STOX2: variants seen among roughly 807,000 people sequenced by gnomAD.
STOX2 encodes storkhead box 2.
A neutral mutation model predicts 60.9 loss-of-function variants in STOX2; 28 were observed. The ratio of observed to expected loss-of-function variants is 0.46; its 90% CI spans 0.34 to 0.63. The LOEUF (loss-of-function observed/expected upper bound fraction) is 0.63. STOX2 is among the 30% of genes least tolerant of loss of function. The pLI is 0.01. For synonymous variants in STOX2, 472 were observed against 463.9 expected (o/e 1.02, Z -0.22); for missense variants, 1,024 against 1,187.7 (o/e 0.86, Z 2.03).
chr4:183,963,334 C>T (rs1419517786), intron 1 of STOX2, among the ~76,000 whole-genome samples: 1 of 152,004 alleles, frequency 6.6e-6, no homozygotes, highest in Non-Finnish European at 1.5e-5. Flanking sequence ...TAATAAAGTG[C>T]CATTAAAATA....
intron 1 of STOX2, among the ~76,000 whole-genome samples, chr4:183,917,794 C>T (rs1463538359): frequency 2.0e-5 from 3 of 152,146 alleles, no homozygotes; most frequent in Admixed American, 6.5e-5. Context: ...GGTAAGGCAG[C>T]GCTGTGATTT....
chr4:183,870,411 A>G (rs1432700233), intron 1 of STOX2, among the ~76,000 whole-genome samples: 1 of 152,212 alleles, frequency 6.6e-6, no homozygotes, highest in African/African-American at 2.4e-5. Flanking sequence ...AGCTATTTTA[A>G]CTACCAGTAG....
At position 183,836,733 on chromosome 4, in the gene STOX2, A is replaced by G. The variant is rs1739719292; in HGVS notation, c.364+38678A>G. On this transcript the variant is annotated intron_variant, in intron 1 of 2. Transcript: ENST00000513034. The surrounding 1 kb of genome is among the most constrained non-coding windows in gnomAD (Gnocchi z 4.1). Reference sequence around the variant, plus strand: ...GTCAGTGACTTCTCGTGACAGCCTCATGAAGGTGAAAAAGCAGGGATACTA... The same window carrying G: ...GTCAGTGACTTCTCGTGACAGCCTCGTGAAGGTGAAAAAGCAGGGATACTA... Among the ~76,000 whole-genome samples, 5 of 152,282 alleles carry G rather than the reference A, an allele frequency of 3.3e-5. No individual in the cohort carries two copies. In the South Asian group the frequency reaches 1.0e-3, roughly 32 times the overall value.
At chr4:183,919,600 C>G (rs918788458) in intron 1 of STOX2, among the ~76,000 whole-genome samples, 1 of 152,018 alleles carries the variant, frequency 6.6e-6, no homozygotes, top group Non-Finnish European at 1.5e-5. Flanking sequence ...GGAAGGAAAC[C>G]ATTGTTGTTA....
intron 1 of STOX2, among the ~76,000 whole-genome samples, chr4:183,918,951 G>A (rs540455720): frequency 1.6e-4 from 24 of 152,248 alleles, no homozygotes; most frequent in Middle Eastern, 3.4e-3. Flanking sequence ...ATCTACCCCC[G>A]AGTTTCCATG....
intron 1 of STOX2, among the ~76,000 whole-genome samples, chr4:183,808,839 G>A (rs1367306070): frequency 2.0e-5 from 3 of 152,128 alleles, no homozygotes; most frequent in Non-Finnish European, 4.4e-5. Context: ...ATAGGAAGAA[G>A]AATTGTCTTG....
chr4:183,846,429 C>T (rs1232709751), intron 1 of STOX2, among the ~76,000 whole-genome samples: 1 of 152,072 alleles, frequency 6.6e-6, no homozygotes, highest in Non-Finnish European at 1.5e-5. Context: ...TTCCACAGGC[C>T]TCTTTGGTTC....
rs6812782 is a variant in STOX2, at chr4:183,856,655, C to T, written c.364+58600C>T. Among the ~76,000 whole-genome samples the T allele has an allele frequency of 0.5, 75,218 of 151,864 alleles. 18,966 individuals are homozygous for T. Among genetic ancestry groups the T allele is most frequent in the Non-Finnish European group, 0.55 (37,699 of 67,942 alleles). On this transcript the variant is annotated intron_variant, in intron 1 of 2. Coordinates refer to the STOX2 transcript ENST00000513034. The surrounding 1 kb of genome is among the most constrained non-coding windows in gnomAD (Gnocchi z 4.0). ...AACATCGCTTTGCAGTTAGCTGTCTCGGACTCGGACCCCGGGGGATGATAG... is the reference window on the plus strand; with the variant it reads ...AACATCGCTTTGCAGTTAGCTGTCTTGGACTCGGACCCCGGGGGATGATAG...
At chr4:184,008,354 AC>A (rs1256690352) in intron 2 of STOX2, among the ~76,000 whole-genome samples, 3 of 152,246 alleles carry the variant, frequency 2.0e-5, no homozygotes, top group Non-Finnish European at 4.4e-5. Context: ...TATCAATCAT[AC>A]AAAGAAGCTT....
At chr4:183,831,451 A>G (rs866892813) in intron 1 of STOX2, among the ~76,000 whole-genome samples, 2 of 152,246 alleles carry the variant, frequency 1.3e-5, no homozygotes, top group South Asian at 2.1e-4. Context: ...GACCATGAAC[A>G]TTAGTTCATG....
intron 1 of STOX2, among the ~76,000 whole-genome samples, chr4:183,992,687 C>A (rs1226479614): frequency 6.6e-6 from 1 of 152,196 alleles, no homozygotes; most frequent in Non-Finnish European, 1.5e-5. Context: ...ATAACTTTAT[C>A]CTTGTTGGTA....
At chr4:183,914,480 TTTG>T (rs1254478869) in intron 1 of STOX2, among the ~76,000 whole-genome samples, 2 of 152,014 alleles carry the variant, frequency 1.3e-5, no homozygotes, top group Non-Finnish European at 2.9e-5. Flanking sequence ...TGCAACTGAT[TTTG>T]TTGTTGTTGG....
At chr4:183,880,140 A>G (rs1040054975) in intron 1 of STOX2, among the ~76,000 whole-genome samples, 1 of 151,944 alleles carries the variant, frequency 6.6e-6, no homozygotes, top group Non-Finnish European at 1.5e-5. Flanking sequence ...CACCATGCCC[A>G]GCTAATTTTT....
chr4:184,011,638 G>T lies in STOX2; in HGVS notation c.2585+215G>T, dbSNP rs1210885895. The T allele has an allele frequency of 6.6e-7, 1 of 1,507,258 alleles. No individual in the cohort carries two copies. Among genetic ancestry groups the T allele is most frequent in the Admixed American group, 2.1e-5 (1 of 48,278 alleles). The allele number at this position is 1,507,258 out of a possible 1,614,324, so 93.4% of individuals were successfully genotyped here. A position where few individuals can be genotyped will look rare whatever the true frequency, so the allele number is the denominator to read the frequency against. On this transcript the variant is annotated intron_variant, in intron 3 of 3. Transcript: ENST00000308497. This position sits in a 1 kb window ranked among gnomAD's most constrained non-coding sequence, Gnocchi z 4.4. ...GTAGAGATCACCAATCTGGACTGGT[G>T]GGTTGGCTCCTCCCCTCAAACTTGC...
In STOX2 at chr4:184,001,580, A is replaced by G; in HGVS notation, c.319+103A>G. ...CCATGTTTAAAGAGAATAGGAAAACATTCTTCCCCAAAACTGACCCGAAGC... is the reference window on the plus strand; with the variant it reads ...CCATGTTTAAAGAGAATAGGAAAACGTTCTTCCCCAAAACTGACCCGAAGC... On this transcript the variant is annotated intron_variant, in intron 2 of 3. Transcript: ENST00000308497. This position sits in a 1 kb window ranked among gnomAD's most constrained non-coding sequence, Gnocchi z 4.2. 1 of 1,167,134 alleles carries G rather than the reference A, an allele frequency of 8.6e-7. No individual in the cohort carries two copies. The highest frequency in any genetic ancestry group is 1.2e-6 in the Non-Finnish European group (1 of 859,040). 72.3% of individuals were successfully genotyped at this position (1,167,134 alleles called of 1,614,324 possible).
At chr4:183,854,802 C>T (rs1047370612) in intron 1 of STOX2, among the ~76,000 whole-genome samples, 1 of 152,108 alleles carries the variant, frequency 6.6e-6, no homozygotes, top group Non-Finnish European at 1.5e-5. Flanking sequence ...AGCCAATTAT[C>T]GCTTAGTGCT....
At chr4:183,886,369 C>T (rs1473754563) in intron 1 of STOX2, among the ~76,000 whole-genome samples, 1 of 152,164 alleles carries the variant, frequency 6.6e-6, no homozygotes, top group East Asian at 1.9e-4. Context: ...TGAGGAAAGG[C>T]CTCCTTGGAG....
At chr4:183,978,472 G>A (rs1362132272) in intron 1 of STOX2, among the ~76,000 whole-genome samples, 1 of 152,032 alleles carries the variant, frequency 6.6e-6, no homozygotes, top group Non-Finnish European at 1.5e-5. Context: ...TATGTATTTT[G>A]GTACTAGTAC....
chr4:183,873,239 G>A (rs1740735002), intron 1 of STOX2, among the ~76,000 whole-genome samples: 1 of 152,092 alleles, frequency 6.6e-6, no homozygotes, highest in South Asian at 2.1e-4. Context: ...CCTGAGGTCG[G>A]GAGTTCGAGA....
Sources: gnomAD v4.1 joint callset for allele counts (sites outside exome capture counted in the v4.1 genomes callset) on GRCh38, gnomAD v4.1.1 for gene constraint, Gnocchi (gnomAD v3.1) non-coding constraint, MANE v1.5 for transcripts, NCBI Gene and HGNC (gene_info 2026-07-23, HGNC 2026-07-21) for gene names.